VAPA: variants seen among roughly 807,000 people sequenced by gnomAD.
VAPA encodes vesicle-associated membrane protein-associated protein A.
A neutral mutation model predicts 25.6 loss-of-function variants in VAPA; 6 were observed. The observed-to-expected ratio is 0.23, with a 90% confidence interval of 0.13 to 0.46. VAPA has a LOEUF of 0.46. Among genes scored for constraint, VAPA ranks in the 20% least tolerant of loss-of-function variants. The probability of loss-of-function intolerance (pLI) is 0.99; values close to 1 mark genes in which losing one functional copy is unlikely to be tolerated. For missense variants in VAPA, 244 were observed against 302.1 expected (o/e 0.81, Z 1.43); for synonymous variants, 112 against 106.2 (o/e 1.05, Z -0.34).
At chr18:9,935,550 A>T (rs2143360546) in intron 2 of VAPA, among the ~76,000 whole-genome samples, 1 of 152,358 alleles carries the variant, frequency 6.6e-6, no homozygotes, top group South Asian at 2.1e-4. Context: ...ACTGCAGCGC[A>T]GCCTCAGCCA....
chr18:9,927,500 C>G (rs1358644923), intron 1 of VAPA, among the ~76,000 whole-genome samples: 1 of 139,884 alleles, frequency 7.1e-6, no homozygotes, highest in Admixed American at 7.2e-5. Flanking sequence ...GATAGCTCTT[C>G]TTAGCTTAGT....
intron 1 of VAPA, among the ~76,000 whole-genome samples, chr18:9,920,784 A>G (rs542674638): frequency 6.6e-6 from 1 of 152,364 alleles, no homozygotes; most frequent in South Asian, 2.1e-4. Flanking sequence ...TCTTCTGTCC[A>G]TAACTTTGGC....
intron 5 of VAPA, among the ~76,000 whole-genome samples, chr18:9,953,614 C>G (rs2069512302): frequency 6.6e-6 from 1 of 152,088 alleles, no homozygotes; most frequent in South Asian, 2.1e-4. Flanking sequence ...TAGTTTTTGG[C>G]TGATTGGGCT....
intron 1 of VAPA, among the ~76,000 whole-genome samples, chr18:9,918,832 A>G (rs1197006175): frequency 6.6e-6 from 1 of 152,222 alleles, no homozygotes; most frequent in Non-Finnish European, 1.5e-5. Context: ...TATTGCACAG[A>G]TATGATATTC....
At chr18:9,920,008 A>G (rs980657121) in intron 1 of VAPA, among the ~76,000 whole-genome samples, 2 of 152,120 alleles carry the variant, frequency 1.3e-5, no homozygotes, top group African/African-American at 2.4e-5. Flanking sequence ...CACTGAGAGA[A>G]AAGGGTATGA....
At chr18:9,928,998 A>G (rs29203) in intron 1 of VAPA, among the ~76,000 whole-genome samples, 1 of 152,302 alleles carries the variant, frequency 6.6e-6, no homozygotes, top group South Asian at 2.1e-4. Flanking sequence ...AGGTAGATTC[A>G]TGTGAATGTG....
intron 5 of VAPA, chr18:9,950,885 C>T (rs1193012244): frequency 1.1e-5 from 3 of 270,922 alleles, no homozygotes; most frequent in Non-Finnish European, 1.4e-5. Flanking sequence ...ATTGTGTTGT[C>T]CCACATCATA....
At chr18:9,916,793 T>C (rs757452900) in intron 1 of VAPA, among the ~76,000 whole-genome samples, 1 of 152,210 alleles carries the variant, frequency 6.6e-6, no homozygotes, top group Non-Finnish European at 1.5e-5. Flanking sequence ...TGAAGGACTT[T>C]TAGAAGACAG....
chr18:9,936,144 A>G lies in VAPA; in HGVS notation c.267A>G (p.Glu89=), dbSNP rs45459198. The part of the protein sequence containing the change: ...MLQPFDYDPN[E]KSKHKFMVQT... ...AGCCCTTTGACTATGATCCGAATGA[A>G]AAGAGTAAACACAAGTTTATGGTAC... Residue 89 remains glutamate, a synonymous_variant, in exon 3 of 6, where the codon GAA becomes GAG. Coordinates refer to ENST00000400000, the MANE Select transcript of VAPA (RefSeq NM_194434.3). The G allele has an allele frequency of 1.1e-3, 1,776 of 1,608,340 alleles. 25 individuals carry two copies. The African/African-American group carries it at 0.021, about 19-fold the overall frequency.
At chr18:9,922,108 G>C (rs1465361049) in intron 1 of VAPA, among the ~76,000 whole-genome samples, 1 of 152,024 alleles carries the variant, frequency 6.6e-6, no homozygotes, top group Non-Finnish European at 1.5e-5. Context: ...AGGACTACAG[G>C]TGCATGCCAC....
chr18:9,948,756 G>GGTCTCCCTCT (rs1223943798), intron 4 of VAPA: 1 of 152,554 alleles, frequency 6.6e-6, no homozygotes, highest in Non-Finnish European at 1.5e-5. Context: ...GTAGAGACAG[G>GGTCTCCCTCT]GTCTCCCTCT....
chr18:9,959,729 A>T lies in VAPA; in HGVS notation c.*5518A>T. On this transcript the variant is annotated 3_prime_UTR_variant, in exon 6 of 6. Transcript: ENST00000400000. ...AGTTACTGACATTGTTCCAAAAAAA[A>T]AAAAAAAAAAAAAAAAAATGTGGAG... 6.8e-6 allele frequency: 1 copy of T among 146,178 alleles called. No homozygotes were observed. Among genetic ancestry groups the T allele is most frequent in the South Asian group, 2.2e-4 (1 of 4,454 alleles). 9.1% of individuals were successfully genotyped at this position (146,178 alleles called of 1,614,324 possible).
At chr18:9,949,619 A>C (rs962531885) in intron 4 of VAPA, 10 of 152,224 alleles carry the variant, frequency 6.6e-5, no homozygotes, top group Admixed American at 3.9e-4. Flanking sequence ...ATTTAATTAA[A>C]ATGAAAAAAG....
At position 9,936,147 on chromosome 18, in the gene VAPA, G is replaced by T. The variant is rs1422534311; in HGVS notation, c.270G>T (p.Lys90Asn). 1 of 1,608,214 alleles carries T rather than the reference G, an allele frequency of 6.2e-7. No individual in the cohort carries two copies. Among genetic ancestry groups the T allele is most frequent in the Non-Finnish European group, 8.5e-7 (1 of 1,177,252 alleles). The stretch of plus-strand genomic sequence containing the variant: ...CCTTTGACTATGATCCGAATGAAAA[G>T]AGTAAACACAAGTTTATGGTACAGA... Reference protein sequence around the residue: ...LQPFDYDPNEKSKHKFMVQTI... With the variant: ...LQPFDYDPNENSKHKFMVQTI... The change falls in exon 3 of 6, where the codon AAG becomes AAT. Residue 90 changes from lysine to asparagine, a missense_variant. Coordinates refer to ENST00000400000, the MANE Select transcript of VAPA (RefSeq NM_194434.3).
rs2069563921 is a variant in VAPA, at chr18:9,957,567, A to C, written c.*3356A>C. 1 of 152,182 alleles carries C rather than the reference A, an allele frequency of 6.6e-6. No homozygotes were observed. The highest frequency in any genetic ancestry group is 1.5e-5 in the Non-Finnish European group (1 of 68,028). The allele number at this position is 152,182 out of a possible 1,614,324, so 9.4% of individuals were successfully genotyped here. A position where few individuals can be genotyped will look rare whatever the true frequency, so the allele number is the denominator to read the frequency against. On this transcript the variant is annotated 3_prime_UTR_variant, in exon 6 of 6. Coordinates refer to ENST00000400000, the MANE Select transcript of VAPA (RefSeq NM_194434.3). ...TATTCACTGAGATTTTAAAAATTTC[A>C]CCTTTATTCGAGGGAAGGATCAATG...
At chr18:9,925,907 AAAAT>A (rs2069196651) in intron 1 of VAPA, among the ~76,000 whole-genome samples, 2 of 152,140 alleles carry the variant, frequency 1.3e-5, no homozygotes, top group Non-Finnish European at 2.9e-5. Context: ...TATGAATTAG[AAAAT>A]AAATACCGTT....
At chr18:9,938,238 T>G (rs562894876) in intron 4 of VAPA, among the ~76,000 whole-genome samples, 2 of 152,328 alleles carry the variant, frequency 1.3e-5, no homozygotes, top group South Asian at 4.1e-4. Flanking sequence ...TTTATGTCAT[T>G]TTTTACAGTA....
Position 9,935,945 on chromosome 18 carries a change from GT to G in VAPA, c.233-157del, listed in dbSNP as rs528662566. 1.8e-4 allele frequency among the ~76,000 whole-genome samples: 27 copies of G among 151,986 alleles called. No individual in the cohort carries two copies. In the East Asian group the frequency reaches 3.9e-3, roughly 22 times the overall value. ...TGTTTGGTTTCTTGAACCCTTCTTGGTTTTTTTTAAATTTGCATATTTGTGA... is the reference window on the plus strand; with the variant it reads ...TGTTTGGTTTCTTGAACCCTTCTTGGTTTTTTTAAATTTGCATATTTGTGA... On this transcript the variant is annotated intron_variant, in intron 2 of 5. Coordinates refer to ENST00000400000, the MANE Select transcript of VAPA (RefSeq NM_194434.3).
rs80207583 is a variant in VAPA at position 9,942,854 on chromosome 18, G to A, written c.417+5788G>A. On this transcript the variant is annotated intron_variant, in intron 4 of 5. Transcript: ENST00000400000. The stretch of plus-strand genomic sequence containing the variant: ...AAGGACCCACCCTCATGATCCAGTC[G>A]CTTCCCACCAGGTTCCACCTCCAAC... Among the ~76,000 whole-genome samples, 1,324 of 152,208 alleles carry A rather than the reference G, an allele frequency of 8.7e-3. 29 individuals carry two copies. In the East Asian group the frequency reaches 0.09, roughly 10 times the overall value.
Sources: gnomAD v4.1 joint callset for allele counts (sites outside exome capture counted in the v4.1 genomes callset) on GRCh38, gnomAD v4.1.1 for gene constraint, MANE v1.5 for transcripts, NCBI Gene and HGNC (gene_info 2026-07-23, HGNC 2026-07-21) for gene names.